Variants in KYAT1 observed in about 807,000 individuals in gnomAD.
The protein encoded by KYAT1 is kynurenine--oxoglutarate transaminase 1.
Under a neutral mutation model 52.4 loss-of-function variants are expected in KYAT1, and 47 were observed. The observed-to-expected ratio is 0.90, with a 90% CI of 0.71 to 1.14. The LOEUF (loss-of-function observed/expected upper bound fraction) is 1.14. Among genes scored for constraint, KYAT1 ranks in the 50% most tolerant of loss-of-function variants. The pLI, the probability that KYAT1 is intolerant of heterozygous loss-of-function variation, is 0.00. For missense variants in KYAT1, 480 were observed against 557.9 expected (o/e 0.86, Z 1.41); for synonymous variants, 212 against 209.6 (o/e 1.01, Z -0.10).
intron 1 of KYAT1, among the ~76,000 whole-genome samples, chr9:128,864,266 T>A (rs1157055057): frequency 6.8e-6 from 1 of 147,328 alleles, no homozygotes; most frequent in East Asian, 2.0e-4. Context: ...CTTGGAAGGC[T>A]GAGGCAGGAG....
intron 1 of KYAT1, among the ~76,000 whole-genome samples, chr9:128,858,015 G>T (rs1414025141): frequency 6.6e-6 from 1 of 152,060 alleles, no homozygotes; most frequent in African/African-American, 2.4e-5. Flanking sequence ...GTGCTTCAAG[G>T]ATACCCATTA....
intron 1 of KYAT1, among the ~76,000 whole-genome samples, chr9:128,879,258 C>T (rs1252296113): frequency 6.6e-6 from 1 of 151,666 alleles, no homozygotes; most frequent in African/African-American, 2.4e-5. Flanking sequence ...TGCAGTGAGC[C>T]GAGATTGCAC....
At chr9:128,866,635 C>T (rs118150196) in intron 1 of KYAT1, among the ~76,000 whole-genome samples, 3 of 141,460 alleles carry the variant, frequency 2.1e-5, no homozygotes, top group Admixed American at 7.1e-5. Context: ...AGTCGCCGGG[C>T]GCAGTGGCTC....
intron 1 of KYAT1, chr9:128,846,747 A>C (rs1310504598): frequency 1.3e-5 from 20 of 1,535,154 alleles, no homozygotes; most frequent in Non-Finnish European, 1.7e-5. Context: ...AGCAGCAGGG[A>C]CCTCACATGG....
At chr9:128,845,330 C>A (rs1292236300) in intron 2 of KYAT1, 23 bp downstream of exon 2, 1 of 1,611,654 alleles carries the variant, frequency 6.2e-7, no homozygotes, top group Admixed American at 1.7e-5. Flanking sequence ...CACCCACACA[C>A]CTCCCCAGCC....
At chr9:128,859,168 C>T (rs1835101346) in intron 1 of KYAT1, among the ~76,000 whole-genome samples, 1 of 151,868 alleles carries the variant, frequency 6.6e-6, no homozygotes, top group African/African-American at 2.4e-5. Flanking sequence ...CGAGACCATC[C>T]TGGCTAACAC....
At chr9:128,838,699 A>T (rs1831580195) in intron 3 of KYAT1, among the ~76,000 whole-genome samples, 1 of 152,168 alleles carries the variant, frequency 6.6e-6, no homozygotes, top group South Asian at 2.1e-4. Flanking sequence ...GCACTGACTC[A>T]GATATCCAGT....
At chr9:128,861,568 G>A (rs1279616765) in intron 1 of KYAT1, among the ~76,000 whole-genome samples, 1 of 152,180 alleles carries the variant, frequency 6.6e-6, no homozygotes, top group Non-Finnish European at 1.5e-5. Flanking sequence ...CGATGCCAGA[G>A]CTCACCCTCT....
At chr9:128,852,947 C>A (rs1030651465) in intron 1 of KYAT1, among the ~76,000 whole-genome samples, 1 of 152,212 alleles carries the variant, frequency 6.6e-6, no homozygotes, top group Non-Finnish European at 1.5e-5. Context: ...TAGCCCCACT[C>A]CAACTTTTGA....
At chr9:128,872,597 G>A (rs1159997164) in intron 1 of KYAT1, among the ~76,000 whole-genome samples, 4 of 150,928 alleles carry the variant, frequency 2.7e-5, no homozygotes, top group Non-Finnish European at 4.4e-5. Flanking sequence ...GTGAAAGCCC[G>A]TCTCTAATAA....
At chr9:128,843,401 C>T (rs1179833161) in intron 2 of KYAT1, among the ~76,000 whole-genome samples, 1 of 139,466 alleles carries the variant, frequency 7.2e-6, no homozygotes, top group Non-Finnish European at 1.5e-5. Flanking sequence ...TTTTTTTTGA[C>T]AGAGTTTCGC....
In KYAT1 at chr9:128,838,031, C is replaced by T. The variant is rs1415305465; in HGVS notation, c.438+20G>A. 1.9e-6 allele frequency: 3 copies of T among 1,612,432 alleles called. No individual in the cohort carries two copies. In the Admixed American group the frequency reaches 5.0e-5, roughly 27 times the overall value. On this transcript the variant is annotated intron_variant, in intron 5 of 12. Transcript: ENST00000302586. ...GCCTTGGATCCCTCTGCCCATCCAT[C>T]CTCTACCTAGCATCCTTACCGGCTT...
chr9:128,876,501 T>C (rs1188986505), intron 1 of KYAT1, among the ~76,000 whole-genome samples: 3 of 141,414 alleles, frequency 2.1e-5, no homozygotes, highest in African/African-American at 7.9e-5. Flanking sequence ...AACTGGAAGC[T>C]CCACCTCCCG....
At chr9:128,838,796 G>GA (rs1242396842) in intron 3 of KYAT1, among the ~76,000 whole-genome samples, 2 of 152,294 alleles carry the variant, frequency 1.3e-5, no homozygotes, top group African/African-American at 4.8e-5. Context: ...ATTTAGCAGA[G>GA]AACCAGAGGA....
intron 1 of KYAT1, among the ~76,000 whole-genome samples, chr9:128,858,395 T>TAAAATAA (rs1554812486): frequency 1.5e-5 from 1 of 65,102 alleles, no homozygotes; most frequent in Non-Finnish European, 2.4e-5. Flanking sequence ...AGACCATGTA[T>TAAAATAA]AAAAAAAAAA....
chr9:128,874,618 T>C (rs1449877009), intron 1 of KYAT1, among the ~76,000 whole-genome samples: 1 of 151,934 alleles, frequency 6.6e-6, no homozygotes, highest in African/African-American at 2.4e-5. Context: ...ACATCTTCTA[T>C]GTCTTGATGA....
intron 1 of KYAT1, among the ~76,000 whole-genome samples, chr9:128,867,614 G>A (rs1836588282): frequency 6.6e-6 from 1 of 152,294 alleles, no homozygotes; most frequent in East Asian, 1.9e-4. Flanking sequence ...GTTCAGTATC[G>A]CTGTATCACA....
chr9:128,840,712 G>A (rs778307882), intron 3 of KYAT1: 3 of 423,362 alleles, frequency 7.1e-6, no homozygotes, highest in South Asian at 1.8e-5. Context: ...TTACTGGAGG[G>A]CAATTATTTA....
Position 128,833,078 on chromosome 9 carries a change from A to C in KYAT1, c.*506T>G, listed in dbSNP as rs746898162. The C allele has an allele frequency of 6.2e-6, 1 of 160,926 alleles. No individual in the cohort carries two copies. Among genetic ancestry groups the C allele is most frequent in the Non-Finnish European group, 1.4e-5 (1 of 73,356 alleles). 10.0% of individuals were successfully genotyped at this position (160,926 alleles called of 1,614,324 possible). On this transcript the variant is annotated 3_prime_UTR_variant, in exon 13 of 13. Transcript: ENST00000302586. ...GCATTCTTCACAAGTTAGATCAGCC[A>C]TCAGCATGAGTGTGAAGCAGAGAGA...
Sources: allele counts gnomAD v4.1 joint callset (sites outside exome capture counted in the v4.1 genomes callset), GRCh38; gene constraint gnomAD v4.1.1; transcripts MANE v1.5; gene names NCBI Gene and HGNC (gene_info 2026-07-23, HGNC 2026-07-21).